KIF3B: variants seen among roughly 807,000 people sequenced by gnomAD.
The protein encoded by KIF3B is kinesin family member 3B, also known as kinesin-like protein KIF3B.
A neutral mutation model predicts 74.3 loss-of-function variants in KIF3B; 38 were observed. The observed-to-expected ratio is 0.51, with a 90% CI of 0.39 to 0.67. The LOEUF is 0.67. KIF3B is among the 30% of genes least tolerant of loss of function. The pLI, the probability that KIF3B is intolerant of heterozygous loss-of-function variation, is 0.00. For missense variants in KIF3B, 649 were observed against 932.0 expected (o/e 0.70, Z 3.95); for synonymous variants, 326 against 342.5 (o/e 0.95, Z 0.53).
intron 1 of KIF3B, among the ~76,000 whole-genome samples, chr20:32,307,711 C>T (rs1334680031): frequency 6.6e-6 from 1 of 151,790 alleles, no homozygotes; most frequent in Non-Finnish European, 1.5e-5. Flanking sequence ...GTGGGTGGAT[C>T]ACGAGGTCAG....
rs1212825319 is a variant in KIF3B at position 32,332,646 on chromosome 20, CAAGAG to C, written c.*1331_*1335del. 6.6e-6 allele frequency: 1 copy of C among 152,238 alleles called. No individual in the cohort carries two copies. The highest frequency in any genetic ancestry group is 1.5e-5 in the Non-Finnish European group (1 of 68,052). 9.4% of individuals were successfully genotyped at this position (152,238 alleles called of 1,614,324 possible). A position where few individuals can be genotyped will look rare whatever the true frequency, so the allele number is the denominator to read the frequency against. On this transcript the variant is annotated 3_prime_UTR_variant, in exon 9 of 9. Coordinates refer to ENST00000375712, the MANE Select transcript of KIF3B (RefSeq NM_004798.4). ...TAGGTGAATATTACTCATTTTCCCTCAAGAGAAGCTCATAAGTGTGTGTGGGTGTG... is the reference window on the plus strand; with the variant it reads ...TAGGTGAATATTACTCATTTTCCCTCAAGCTCATAAGTGTGTGTGGGTGTG...
Position 32,333,327 on chromosome 20 carries a change from G to A in KIF3B, c.*2008G>A, listed in dbSNP as rs1385978528. On this transcript the variant is annotated 3_prime_UTR_variant, in exon 9 of 9. Coordinates refer to ENST00000375712, the MANE Select transcript of KIF3B (RefSeq NM_004798.4). The stretch of plus-strand genomic sequence containing the variant: ...CTAAAAATATTCATGTAGCAAATCT[G>A]AGAATTGAAAACTGCAGATAACCGG... The A allele has an allele frequency of 6.6e-6, 1 of 152,042 alleles. No homozygotes were observed. The highest frequency in any genetic ancestry group is 1.9e-4 in the East Asian group (1 of 5,174). The allele number at this position is 152,042 out of a possible 1,614,324, so 9.4% of individuals were successfully genotyped here.
chr20:32,305,750 ATT>A (rs879739181), intron 1 of KIF3B, among the ~76,000 whole-genome samples: 3 of 138,668 alleles, frequency 2.2e-5, no homozygotes, highest in African/African-American at 5.3e-5. Flanking sequence ...AAATTTTTGT[ATT>A]TTTTTTTTTT....
intron 5 of KIF3B, among the ~76,000 whole-genome samples, chr20:32,319,169 T>C (rs1002759792): frequency 4.0e-5 from 6 of 151,548 alleles, no homozygotes; most frequent in African/African-American, 1.5e-4. Context: ...CCATGTTGCC[T>C]AGGCTGGTCT....
intron 1 of KIF3B, among the ~76,000 whole-genome samples, chr20:32,278,825 T>C (rs1343978088): frequency 6.6e-6 from 1 of 152,118 alleles, no homozygotes; most frequent in East Asian, 1.9e-4. Context: ...TTAATCTTTA[T>C]GTAGACTTTG....
Position 32,327,658 on chromosome 20 carries a change from T to C in KIF3B, c.1965T>C (p.Tyr655=), listed in dbSNP as rs1129012. ...MSMMIRPEAR[Y]RAENIVLLEL... ...TGATGATTCGTCCAGAGGCCCGATA[T>C]AGGGTGAGAAGATCCTTCTTGGGTT... The change falls in exon 7 of 9, where the codon TAT becomes TAC. Residue 655 remains tyrosine, a synonymous_variant. Transcript: ENST00000375712. The C allele has an allele frequency of 0.17, 276,476 of 1,609,598 alleles. 25,409 individuals carry two copies. The highest frequency in any genetic ancestry group is 0.3 in the African/African-American group (22,728 of 74,794).
chr20:32,310,778 C>T lies in KIF3B; in HGVS notation c.1001C>T (p.Ala334Val). 6.2e-7 allele frequency: 1 copy of T among 1,614,166 alleles called. No individual in the cohort carries two copies. Among genetic ancestry groups the T allele is most frequent in the Non-Finnish European group, 8.5e-7 (1 of 1,180,034 alleles). ...VEETLTTLRYANRAKNIKNKP... is the reference protein window; with the variant it reads ...VEETLTTLRYVNRAKNIKNKP... ...GAGACTCTGACCACTCTGCGATATG[C>T]CAACCGTGCCAAAAACATTAAGAAC... is the stretch of plus-strand genomic sequence containing the variant. The change falls in exon 2 of 9, where the codon GCC (alanine) becomes GTC (valine). Residue 334 changes from alanine (A) to valine (V), a missense_variant. By Grantham distance (64) the Ala-to-Val change is moderately conservative. This residue lies in a region of KIF3B where 363 missense variants were observed against 592.8 expected (regional missense o/e 0.61). Transcript: ENST00000375712. The surrounding 1 kb of genome is among the most constrained non-coding windows in gnomAD (Gnocchi z 6.5).
At chr20:32,308,659 C>T (rs1169731903) in intron 1 of KIF3B, among the ~76,000 whole-genome samples, 4 of 152,134 alleles carry the variant, frequency 2.6e-5, no homozygotes. Context: ...GATCCATCCA[C>T]CTCGTTCTCC....
intron 1 of KIF3B, among the ~76,000 whole-genome samples, chr20:32,285,245 T>C (rs992344064): frequency 3.3e-5 from 5 of 152,212 alleles, no homozygotes; most frequent in African/African-American, 1.2e-4. Context: ...CTCACACTTC[T>C]TAGTGATCTA....
chr20:32,309,078 G>A (rs1207841582), intron 1 of KIF3B, among the ~76,000 whole-genome samples: 2 of 151,908 alleles, frequency 1.3e-5, no homozygotes, highest in Non-Finnish European at 2.9e-5. Flanking sequence ...GGGCAGTGGC[G>A]TGATTGCGGC....
At chr20:32,292,428 C>T (rs2047696451) in intron 1 of KIF3B, among the ~76,000 whole-genome samples, 1 of 151,688 alleles carries the variant, frequency 6.6e-6, no homozygotes, top group African/African-American at 2.4e-5. Flanking sequence ...AGACCCCCCC[C>T]AACTTCTACA....
intron 1 of KIF3B, among the ~76,000 whole-genome samples, chr20:32,303,254 A>G (rs1387754935): frequency 6.6e-6 from 1 of 152,178 alleles, no homozygotes; most frequent in Non-Finnish European, 1.5e-5. Context: ...GATGATTGTT[A>G]CAAACTGAAC....
At chr20:32,291,647 G>C (rs1228319756) in intron 1 of KIF3B, among the ~76,000 whole-genome samples, 3 of 142,420 alleles carry the variant, frequency 2.1e-5, no homozygotes, top group Non-Finnish European at 4.5e-5. Context: ...ACAGAGTCTC[G>C]CTCTGTCACC....
In KIF3B at chr20:32,277,912, G is replaced by C. The variant is rs1440144198; in HGVS notation, c.-66+147G>C. The C allele has an allele frequency of 1.9e-5, 3 of 156,986 alleles. No individual in the cohort carries two copies. In the East Asian group the frequency reaches 5.5e-4, roughly 29 times the overall value. 9.7% of individuals were successfully genotyped at this position (156,986 alleles called of 1,614,324 possible). A position where few individuals can be genotyped will look rare whatever the true frequency, so the allele number is the denominator to read the frequency against. On this transcript the variant is annotated intron_variant, in intron 1 of 8. Coordinates refer to ENST00000375712, the MANE Select transcript of KIF3B (RefSeq NM_004798.4). ...CTGCCCTGCCTCCTAGGCATCCTTT[G>C]GTAGTCCGGACGGCCTTGCCCCTCC...
chr20:32,315,676 G>A (rs1465016254), intron 2 of KIF3B, among the ~76,000 whole-genome samples: 1 of 152,116 alleles, frequency 6.6e-6, no homozygotes, highest in Non-Finnish European at 1.5e-5. Flanking sequence ...TCGTGCCACC[G>A]CATTCCAGCT....
In KIF3B at chr20:32,326,903, C is replaced by T. The variant is rs3746606; in HGVS notation, c.1862+19C>T. The T allele has an allele frequency of 0.39, 446,043 of 1,144,998 alleles. 93,054 individuals are homozygous for T. The highest frequency in any genetic ancestry group is 0.72 in the East Asian group (30,745 of 42,558). The allele number at this position is 1,144,998 out of a possible 1,614,324, so 70.9% of individuals were successfully genotyped here. A position where few individuals can be genotyped will look rare whatever the true frequency, so the allele number is the denominator to read the frequency against. On this transcript the variant is annotated intron_variant, in intron 6 of 8. Transcript: ENST00000375712. ...GACTGGAGTAAGTCACTATTAACTT[C>T]AAGTATATTTTCAAGTATGAGGGAG...
chr20:32,291,218 CACTTAAAATGATTAAGAGGGTAAATTT>C (rs2047689602), intron 1 of KIF3B, among the ~76,000 whole-genome samples: 1 of 152,100 alleles, frequency 6.6e-6, no homozygotes, highest in African/African-American at 2.4e-5. Flanking sequence ...CTGAACTATA[CACTTAAAATGATTAAGAGGGTAAATTT>C]TATATTATGT....
chr20:32,302,461 A>G (rs181868784), intron 1 of KIF3B, among the ~76,000 whole-genome samples: 2 of 152,352 alleles, frequency 1.3e-5, no homozygotes, highest in East Asian at 3.9e-4. Context: ...CTCAAAAAAT[A>G]TATGGAGCTA....
intron 2 of KIF3B, among the ~76,000 whole-genome samples, chr20:32,314,565 G>A (rs1339394772): frequency 1.3e-5 from 2 of 151,978 alleles, no homozygotes; most frequent in East Asian, 3.9e-4. Flanking sequence ...ATGTTAGAGT[G>A]GTTAGGTATT....
Sources: allele counts gnomAD v4.1 joint callset (sites outside exome capture counted in the v4.1 genomes callset), GRCh38; gene constraint gnomAD v4.1.1; regional missense constraint gnomAD v4.1.1; non-coding constraint Gnocchi (gnomAD v3.1); transcripts MANE v1.5; gene names NCBI Gene and HGNC (gene_info 2026-07-23, HGNC 2026-07-21).